The following DPP4 variants were observed in gnomAD, a reference collection of about 807,000 sequenced individuals.
DPP4 encodes the protein dipeptidyl peptidase 4.
In DPP4, 93 loss-of-function variants were observed where a neutral mutation model predicts 122.4. The observed-to-expected ratio is 0.76, with a 90% CI of 0.64 to 0.90. The LOEUF is 0.90. Among genes scored for constraint, DPP4 ranks in the 40% least tolerant of loss-of-function variants. The pLI, the probability that DPP4 is intolerant of heterozygous loss-of-function variation, is 0.00. For synonymous variants in DPP4, 321 were observed against 302.9 expected, an observed-to-expected ratio of 1.06 and a Z score of -0.62; for missense variants, 914 against 907.3, an observed-to-expected ratio of 1.01 and a Z score of -0.09.
At chr2:162,005,862 T>C in intron 22 of DPP4, 53 bp from the exon 23 acceptor site, 1 of 1,490,032 alleles carries the variant, frequency 6.7e-7, no homozygotes, top group Non-Finnish European at 9.2e-7. Context: ...TAACAACTTT[T>C]CTTGCTTTTA....
chr2:162,008,517 A>T (rs2106085338), intron 22 of DPP4, 45 bp downstream of exon 22: 1 of 1,510,538 alleles, frequency 6.6e-7, no homozygotes, highest in South Asian at 1.1e-5. Flanking sequence ...TGGCATTTTG[A>T]GGTCAACACT....
At chr2:162,069,942 A>G (rs1294699811) in intron 2 of DPP4, among the ~76,000 whole-genome samples, 2 of 152,262 alleles carry the variant, frequency 1.3e-5, no homozygotes, top group South Asian at 4.1e-4. Flanking sequence ...CTTTTCCATA[A>G]TAAAATTCAA....
Position 162,009,170 on chromosome 2 carries a change from A to G in DPP4, c.1887+71T>C. On this transcript the variant is annotated intron_variant, in intron 21 of 25. Coordinates refer to ENST00000360534, the MANE Select transcript of DPP4 (RefSeq NM_001935.4). Reference sequence around the variant, plus strand: ...TTTCACCTCCAAATATGTATATACAAAAGATAAAGTAACCTGCTCTGAGTG... The same window carrying G: ...TTTCACCTCCAAATATGTATATACAGAAGATAAAGTAACCTGCTCTGAGTG... 4 of 1,505,876 alleles carry G rather than the reference A, an allele frequency of 2.7e-6. No homozygotes were observed. In the South Asian group the frequency reaches 4.5e-5, roughly 17 times the overall value. The allele number at this position is 1,505,876 out of a possible 1,614,324, so 93.3% of individuals were successfully genotyped here.
intron 10 of DPP4, among the ~76,000 whole-genome samples, chr2:162,032,527 A>G (rs537479810): frequency 5.0e-4 from 76 of 152,262 alleles, no homozygotes; most frequent in African/African-American, 1.8e-3. Flanking sequence ...TCTACTAAAA[A>G]TACAAAAATT....
chr2:162,035,069 G>A, intron 9 of DPP4, 95 bp downstream of exon 9: 1 of 1,284,616 alleles, frequency 7.8e-7, no homozygotes, highest in South Asian at 1.7e-5. Flanking sequence ...CTGTTGAAGA[G>A]AGACTGACAA....
chr2:162,066,610 G>A (rs1423000198), intron 2 of DPP4, among the ~76,000 whole-genome samples: 11 of 152,188 alleles, frequency 7.2e-5, no homozygotes, highest in Admixed American at 6.5e-4. Context: ...ACTGCTTAGG[G>A]CTAGATCTTA....
Position 162,038,332 on chromosome 2 carries a change from A to G in DPP4, c.583T>C (p.Tyr195His). The change falls in exon 8 of 26, where the codon TAT becomes CAT. Residue 195 changes from tyrosine (Y) to histidine (H), a missense_variant. Physicochemically the swap from Tyr to His is moderately conservative, Grantham distance 83. Coordinates refer to ENST00000360534, the MANE Select transcript of DPP4 (RefSeq NM_001935.4). ...TAAACCCAGTCAGTTATTCCATTATATATTATATCTTCTTTCCCCGTCCAT... is the reference window on the plus strand; with the variant it reads ...TAAACCCAGTCAGTTATTCCATTATGTATTATATCTTCTTTCCCCGTCCAT... Reference protein sequence around the residue: ...ITWTGKEDIIYNGITDWVYEE... With the variant: ...ITWTGKEDIIHNGITDWVYEE... 1 of 1,604,056 alleles carries G rather than the reference A, an allele frequency of 6.2e-7. No homozygotes were observed. Among genetic ancestry groups the G allele is most frequent in the Non-Finnish European group, 8.5e-7 (1 of 1,175,108 alleles).
chr2:162,018,459 ATATG>A (rs1318312029), intron 16 of DPP4, among the ~76,000 whole-genome samples: 1 of 152,262 alleles, frequency 6.6e-6, no homozygotes, highest in African/African-American at 2.4e-5. Flanking sequence ...AAACCCCACA[ATATG>A]TATGTATTTA....
chr2:161,993,492 G>C, intron 25 of DPP4, 108 bp from the exon 26 acceptor site: 3 of 742,318 alleles, frequency 4.0e-6, no homozygotes, highest in Non-Finnish European at 6.6e-6. Flanking sequence ...GTATAAAACA[G>C]AGTGTTTTAA....
At chr2:162,067,355 G>A (rs540127086) in intron 2 of DPP4, among the ~76,000 whole-genome samples, 1 of 152,132 alleles carries the variant, frequency 6.6e-6, no homozygotes, top group Admixed American at 6.5e-5. Context: ...TCAGGGAAGG[G>A]GTGGATGATA....
chr2:162,008,890 T>C (rs1701349866), intron 21 of DPP4, among the ~76,000 whole-genome samples: 2 of 152,090 alleles, frequency 1.3e-5, no homozygotes. Context: ...TACGGAAAAT[T>C]TGCTGACCCT....
At chr2:162,022,884 G>A (rs1212097124) in intron 11 of DPP4, 85 bp from the exon 12 acceptor site, 2 of 1,342,824 alleles carry the variant, frequency 1.5e-6, no homozygotes, top group Non-Finnish European at 2.1e-6. Context: ...TATAAATAGA[G>A]CTGTACTTAT....
chr2:162,041,282 T>C (rs1683977833), intron 5 of DPP4, among the ~76,000 whole-genome samples: 1 of 152,186 alleles, frequency 6.6e-6, no homozygotes, highest in African/African-American at 2.4e-5. Flanking sequence ...CTGCCTTCTT[T>C]ACCATACTCC....
intron 2 of DPP4, among the ~76,000 whole-genome samples, chr2:162,071,110 T>C (rs1220610199): frequency 2.0e-5 from 3 of 152,172 alleles, no homozygotes; most frequent in Non-Finnish European, 1.5e-5. Context: ...CCCACTGTCA[T>C]GGCCAACAGT....
Position 162,020,270 on chromosome 2 carries a change from G to T in DPP4, c.1203C>A (p.Thr401=). Residue 401 remains threonine (T), a synonymous_variant, in exon 14 of 26, where the codon ACC becomes ACA. Transcript: ENST00000360534. ...GAGCTTCTATCCCGATGACTTCCCA[G>T]GTGCCTTTTGTAATAAATGTGCAGT... ...KKDCTFITKG[T]WEVIGIEALT... is the part of the protein sequence containing the mutation. 6 of 1,608,042 alleles carry T rather than the reference G, an allele frequency of 3.7e-6. No homozygotes were observed. Among genetic ancestry groups the T allele is most frequent in the Non-Finnish European group, 5.1e-6 (6 of 1,178,872 alleles).
intron 20 of DPP4, among the ~76,000 whole-genome samples, chr2:162,009,545 G>A (rs1320840378): frequency 6.6e-6 from 1 of 151,376 alleles, no homozygotes; most frequent in Non-Finnish European, 1.5e-5. Context: ...GTGTGTGTGT[G>A]TGTGTGTATG....
In DPP4 at chr2:162,016,973, T is replaced by C. The variant is rs77714454; in HGVS notation, c.1469-107A>G. ...AATTCACTGATCGGACTACACATACTTCAGGTTATAAGGCTTGTGTTCAAC... is the reference window on the plus strand; with the variant it reads ...AATTCACTGATCGGACTACACATACCTCAGGTTATAAGGCTTGTGTTCAAC... On this transcript the variant is annotated intron_variant, in intron 17 of 25. Coordinates refer to ENST00000360534, the MANE Select transcript of DPP4 (RefSeq NM_001935.4). The C allele has an allele frequency of 6.4e-6, 9 of 1,399,934 alleles. No homozygotes were observed. In the East Asian group the frequency reaches 2.1e-4, roughly 33 times the overall value. 86.7% of individuals were successfully genotyped at this position (1,399,934 alleles called of 1,614,324 possible).
chr2:162,047,220 G>A (rs1576063373), intron 3 of DPP4, among the ~76,000 whole-genome samples, 183 bp downstream of exon 3: 1 of 151,734 alleles, frequency 6.6e-6, no homozygotes, highest in South Asian at 2.1e-4. Flanking sequence ...ACATGTCAAA[G>A]AAATACTTGG....
intron 5 of DPP4, among the ~76,000 whole-genome samples, chr2:162,039,571 G>A (rs954199752): frequency 6.6e-6 from 1 of 152,076 alleles, no homozygotes; most frequent in African/African-American, 2.4e-5. Flanking sequence ...ATTGCTGATG[G>A]TGATGTGAAG....
Sources: gnomAD v4.1 joint callset for allele counts (sites outside exome capture counted in the v4.1 genomes callset) on GRCh38, gnomAD v4.1.1 for gene constraint, MANE v1.5 for transcripts, NCBI Gene and HGNC (gene_info 2026-07-23, HGNC 2026-07-21) for gene names.